Variants in RALYL observed in about 807,000 individuals in gnomAD.
RALYL encodes RALY RNA binding protein like, also known as RNA-binding Raly-like protein.
In RALYL, 29 loss-of-function variants were observed where a neutral mutation model predicts 35.1. The observed-to-expected ratio is 0.83, with a 90% CI of 0.61 to 1.13. The LOEUF (loss-of-function observed/expected upper bound fraction) is 1.13. RALYL is among the 50% of genes most tolerant of loss of function. The pLI, the probability that RALYL is intolerant of heterozygous loss-of-function variation, is 0.00. For synonymous variants in RALYL, 120 were observed against 127.6 expected (o/e 0.94, Z 0.40); for missense variants, 359 against 360.4 (o/e 1.00, Z 0.03).
rs576379671 is a variant in RALYL at position 84,600,261 on chromosome 8, G to A, written c.256+70684G>A. ...ACTCATCCTCAGTTCATCAAATATCGTCCTTTTCTTTTTTTAATCATGTGA... is the reference window on the plus strand; with the variant it reads ...ACTCATCCTCAGTTCATCAAATATCATCCTTTTCTTTTTTTAATCATGTGA... On this transcript the variant is annotated intron_variant, in intron 2 of 8. Coordinates refer to ENST00000521268, the MANE Select transcript of RALYL (RefSeq NM_173848.7). 2.8e-4 allele frequency among the ~76,000 whole-genome samples: 43 copies of A among 151,810 alleles called. No homozygotes were observed. In the South Asian group the frequency reaches 7.1e-3, roughly 25 times the overall value.
intron 1 of RALYL, among the ~76,000 whole-genome samples, chr8:84,254,978 C>A (rs1455104839): frequency 1.3e-5 from 2 of 151,912 alleles, no homozygotes; most frequent in East Asian, 3.9e-4. Flanking sequence ...TTCCATGATC[C>A]AATTATCTCC....
intron 5 of RALYL, among the ~76,000 whole-genome samples, chr8:84,858,951 G>A (rs895596418): frequency 1.3e-5 from 2 of 152,098 alleles, no homozygotes; most frequent in Non-Finnish European, 2.9e-5. Context: ...TTATGCCCTC[G>A]TGTTAGCCCA....
At chr8:84,457,510 A>G (rs191028739) in intron 1 of RALYL, among the ~76,000 whole-genome samples, 36 of 152,028 alleles carry the variant, frequency 2.4e-4, no homozygotes, top group African/African-American at 8.2e-4. Context: ...TGAAAAAGGG[A>G]CATATTAATG....
chr8:84,844,945 A>C (rs960533243), intron 4 of RALYL, among the ~76,000 whole-genome samples: 1 of 151,852 alleles, frequency 6.6e-6, no homozygotes, highest in African/African-American at 2.4e-5. Context: ...AGGAAGGGGA[A>C]CATCACACAC....
chr8:84,356,984 G>A (rs185789578), intron 1 of RALYL, among the ~76,000 whole-genome samples: 5 of 152,112 alleles, frequency 3.3e-5, no homozygotes, highest in Admixed American at 6.6e-5. Context: ...TGCTGTAAGG[G>A]CGTCACAAAC....
At chr8:84,520,309 C>T (rs1020307844) in intron 1 of RALYL, among the ~76,000 whole-genome samples, 4 of 152,158 alleles carry the variant, frequency 2.6e-5, no homozygotes, top group Non-Finnish European at 5.9e-5. Flanking sequence ...ACATGTGCTA[C>T]ATTTCCTAGA....
Position 84,669,494 on chromosome 8 carries a change from C to CT in RALYL, c.257-105085_257-105084insT, listed in dbSNP as rs1554771617. Among the ~76,000 whole-genome samples the CT allele has an allele frequency of 1.7e-3, 106 of 64,116 alleles. 1 individual carries two copies. Among genetic ancestry groups the CT allele is most frequent in the South Asian group, 7.0e-3 (8 of 1,150 alleles). The allele number at this position is 64,116 out of a possible 152,430, so 42.1% of individuals were successfully genotyped here. On this transcript the variant is annotated intron_variant, in intron 2 of 8. Transcript: ENST00000521268. ...CATCTTCTCCCTCCCCCCTCCCCCC[C>CT]CCCCCACTCTATTAGTTCACAGTGT...
intron 1 of RALYL, among the ~76,000 whole-genome samples, chr8:84,408,516 A>G (rs1193637651): frequency 6.6e-6 from 1 of 152,204 alleles, no homozygotes. Flanking sequence ...AAATCCTTGT[A>G]ATGGCACAAA....
intron 2 of RALYL, among the ~76,000 whole-genome samples, chr8:84,686,738 A>G (rs1030876164): frequency 6.6e-6 from 1 of 152,054 alleles, no homozygotes; most frequent in South Asian, 2.1e-4. Context: ...GTTTTATCAA[A>G]CATATTTTCA....
intron 6 of RALYL, 64 bp from the exon 7 acceptor site, chr8:84,873,220 G>T (rs1194352578): frequency 2.4e-6 from 2 of 818,676 alleles, no homozygotes; most frequent in Non-Finnish European, 3.9e-6. Context: ...CTGTGAGTTC[G>T]GTCCTAGGTG....
chr8:84,496,599 C>G (rs1019126691), intron 1 of RALYL, among the ~76,000 whole-genome samples: 2 of 152,096 alleles, frequency 1.3e-5, no homozygotes. Flanking sequence ...ACTGAATCCC[C>G]TTAGTAGTGC....
intron 1 of RALYL, among the ~76,000 whole-genome samples, chr8:84,423,236 C>T (rs369616799): frequency 7.3e-5 from 11 of 150,278 alleles, no homozygotes; most frequent in Admixed American, 3.3e-4. Context: ...GGTGCTCCTG[C>T]ATTGGGTGCA....
Position 84,476,623 on chromosome 8 carries a change from A to G in RALYL, c.-23-52676A>G, listed in dbSNP as rs186881633. ...TTTACTCTCTCTTCTAACCATACATATCAATATTAGTATATTTATTCCCTC... is the reference window on the plus strand; with the variant it reads ...TTTACTCTCTCTTCTAACCATACATGTCAATATTAGTATATTTATTCCCTC... On this transcript the variant is annotated intron_variant, in intron 1 of 8. Coordinates refer to ENST00000521268, the MANE Select transcript of RALYL (RefSeq NM_173848.7). 1.3e-3 allele frequency among the ~76,000 whole-genome samples: 197 copies of G among 152,260 alleles called. 1 individual carries two copies. Among genetic ancestry groups the G allele is most frequent in the African/African-American group, 4.5e-3 (187 of 41,574 alleles).
chr8:84,419,138 A>C (rs1441273258), intron 1 of RALYL, among the ~76,000 whole-genome samples: 1 of 151,852 alleles, frequency 6.6e-6, no homozygotes, highest in Non-Finnish European at 1.5e-5. Flanking sequence ...TGGTAGTCCA[A>C]CCCCTTCTCT....
chr8:84,475,373 C>A (rs890473990), intron 1 of RALYL, among the ~76,000 whole-genome samples: 5 of 152,054 alleles, frequency 3.3e-5, no homozygotes, highest in African/African-American at 1.2e-4. Flanking sequence ...GTGCACATCA[C>A]CATGCCCAGT....
At chr8:84,578,244 G>A (rs1465807889) in intron 2 of RALYL, among the ~76,000 whole-genome samples, 13 of 152,242 alleles carry the variant, frequency 8.5e-5, no homozygotes, top group Non-Finnish European at 7.3e-5. Flanking sequence ...TGGATTAGAT[G>A]CACCATAAGC....
chr8:84,755,876 A>G (rs1811272194), intron 2 of RALYL, among the ~76,000 whole-genome samples: 1 of 150,068 alleles, frequency 6.7e-6, no homozygotes, highest in Admixed American at 6.6e-5. Flanking sequence ...CATATTGTAA[A>G]AAAAAAAAAA....
intron 1 of RALYL, among the ~76,000 whole-genome samples, chr8:84,463,107 C>A (rs2051007732): frequency 6.6e-6 from 1 of 151,910 alleles, no homozygotes; most frequent in South Asian, 2.1e-4. Context: ...GTGTCTTTCA[C>A]TCTTTCTCAT....
At chr8:84,561,191 C>G (rs780235123) in intron 2 of RALYL, among the ~76,000 whole-genome samples, 1 of 151,938 alleles carries the variant, frequency 6.6e-6, no homozygotes, top group Non-Finnish European at 1.5e-5. Flanking sequence ...ACATTTTCTT[C>G]TATAAATGGC....
Sources: allele counts gnomAD v4.1 joint callset (sites outside exome capture counted in the v4.1 genomes callset), GRCh38; gene constraint gnomAD v4.1.1; transcripts MANE v1.5; gene names NCBI Gene and HGNC (gene_info 2026-07-23, HGNC 2026-07-21).